The following DDX10 variants were observed in gnomAD, a reference collection of about 807,000 sequenced individuals.
The protein encoded by DDX10 is DEAD-box helicase 10, also known as probable ATP-dependent RNA helicase DDX10.
Under a neutral mutation model 104.3 loss-of-function variants are expected in DDX10, and 74 were observed. That is an observed-to-expected ratio of 0.71 (90% CI 0.59 to 0.86). The LOEUF is 0.86. Ranked by LOEUF, DDX10 falls within the 40% of genes least tolerant of loss-of-function variation. DDX10 has a pLI of 0.00. For synonymous variants in DDX10, 351 were observed against 353.4 expected (o/e 0.99, Z 0.08); for missense variants, 952 against 1,040.0 (o/e 0.92, Z 1.16).
chr11:108,930,915 A>C (rs1863968166), intron 17 of DDX10, among the ~76,000 whole-genome samples: 1 of 152,180 alleles, frequency 6.6e-6, no homozygotes, highest in Admixed American at 6.5e-5. Context: ...ACCTGAGATA[A>C]GGCTAATAAT....
intron 17 of DDX10, among the ~76,000 whole-genome samples, chr11:108,931,516 T>G (rs1374575945): frequency 6.6e-6 from 1 of 152,216 alleles, no homozygotes; most frequent in Non-Finnish European, 1.5e-5. Context: ...AAGTAACTAT[T>G]TTTAAAAGCA....
At chr11:108,720,895 G>GT (rs35211888) in intron 12 of DDX10, among the ~76,000 whole-genome samples, 78,001 of 142,408 alleles carry the variant, frequency 0.55, 21,384 homozygotes, top group Non-Finnish European at 0.61. Context: ...GCCTGGCCGG[G>GT]TTTTTTTTTT....
At chr11:108,700,045 C>G (rs986608013) in intron 9 of DDX10, among the ~76,000 whole-genome samples, 1 of 152,160 alleles carries the variant, frequency 6.6e-6, no homozygotes, top group Non-Finnish European at 1.5e-5. Flanking sequence ...TTAAAAGCCT[C>G]TCATAGGTGA....
intron 13 of DDX10, among the ~76,000 whole-genome samples, chr11:108,818,982 G>A (rs923166776): frequency 6.6e-6 from 1 of 152,152 alleles, no homozygotes; most frequent in Non-Finnish European, 1.5e-5. Flanking sequence ...AACGTTGATG[G>A]TTTGGGGTTC....
rs1260217756 is a variant in DDX10 at position 108,747,234 on chromosome 11, A to G, written c.1965+23772A>G. ...TATTTTTTGTTTAGTGTGGTTATAT[A>G]TACAATAATTTAAGGTAGACTAGTT... On this transcript the variant is annotated intron_variant, in intron 13 of 17. Transcript: ENST00000322536. Among the ~76,000 whole-genome samples, 5 of 152,182 alleles carry G rather than the reference A, an allele frequency of 3.3e-5. No individual in the cohort carries two copies. In the South Asian group the frequency reaches 8.3e-4, roughly 25 times the overall value.
chr11:108,832,605 G>A (rs10749929), intron 13 of DDX10, among the ~76,000 whole-genome samples: 95 of 152,074 alleles, frequency 6.2e-4, no homozygotes, highest in African/African-American at 2.2e-3. Context: ...AAACTTCCCC[G>A]AGGTACTCTG....
intron 2 of DDX10, among the ~76,000 whole-genome samples, chr11:108,673,855 G>A (rs2094220336): frequency 2.6e-5 from 4 of 152,158 alleles, no homozygotes; most frequent in Admixed American, 2.6e-4. Flanking sequence ...AGACTGAGTG[G>A]CTTAAACAAC....
chr11:108,744,148 G>A lies in DDX10; in HGVS notation c.1965+20686G>A, dbSNP rs563792909. 7.9e-5 allele frequency among the ~76,000 whole-genome samples: 12 copies of A among 152,108 alleles called. No homozygotes were observed. The East Asian group carries it at 1.5e-3, about 20-fold the overall frequency. On this transcript the variant is annotated intron_variant, in intron 13 of 17. Coordinates refer to ENST00000322536, the MANE Select transcript of DDX10 (RefSeq NM_004398.4). ...TTATACTTATATTCCCATTAATATC[G>A]TTAGTATGAATGGCTTTATATAGTT...
chr11:108,693,423 G>T, intron 8 of DDX10, 93 bp from the exon 9 acceptor site: 1 of 892,152 alleles, frequency 1.1e-6, no homozygotes, highest in South Asian at 1.3e-5. Flanking sequence ...TTGATGTGAT[G>T]AAAAGTCCTG....
chr11:108,709,965 A>G (rs2094281910), intron 10 of DDX10, among the ~76,000 whole-genome samples: 1 of 152,202 alleles, frequency 6.6e-6, no homozygotes, highest in South Asian at 2.1e-4. Flanking sequence ...GGTATAGCCT[A>G]TTGCATTTAG....
chr11:108,829,982 A>G (rs1343485431), intron 13 of DDX10, among the ~76,000 whole-genome samples: 1 of 152,120 alleles, frequency 6.6e-6, no homozygotes, highest in East Asian at 1.9e-4. Context: ...GTATAGTTTG[A>G]AGTTGGATAA....
chr11:108,737,410 G>A (rs922239768), intron 13 of DDX10, among the ~76,000 whole-genome samples: 3 of 152,088 alleles, frequency 2.0e-5, no homozygotes, highest in Admixed American at 6.6e-5. Context: ...GGTGACAGAC[G>A]GTCTTGATAT....
At position 108,675,206 on chromosome 11, in the gene DDX10, A is replaced by G. The variant is rs559416234; in HGVS notation, c.248-390A>G. Among the ~76,000 whole-genome samples the G allele has an allele frequency of 2.0e-5, 3 of 152,174 alleles. No homozygotes were observed. In the South Asian group the frequency reaches 6.2e-4, roughly 32 times the overall value. On this transcript the variant is annotated intron_variant, in intron 2 of 17. Coordinates refer to ENST00000322536, the MANE Select transcript of DDX10 (RefSeq NM_004398.4). ...TTTCATATCTTGGCTTCTGTGAATAATGCTGCAATGAACATGTGAGCACAA... is the reference window on the plus strand; with the variant it reads ...TTTCATATCTTGGCTTCTGTGAATAGTGCTGCAATGAACATGTGAGCACAA...
chr11:108,818,766 T>C (rs1357956160), intron 13 of DDX10, among the ~76,000 whole-genome samples: 1 of 152,236 alleles, frequency 6.6e-6, no homozygotes, highest in Non-Finnish European at 1.5e-5. Flanking sequence ...ATGACCACAC[T>C]GAATGCCAAA....
At chr11:108,725,314 A>G (rs550202966) in intron 13 of DDX10, among the ~76,000 whole-genome samples, 1 of 152,186 alleles carries the variant, frequency 6.6e-6, no homozygotes, top group Admixed American at 6.5e-5. Flanking sequence ...TTCTTGGGGA[A>G]ACGAGTGGGG....
chr11:108,852,815 C>T (rs1862813137), intron 16 of DDX10, among the ~76,000 whole-genome samples: 1 of 152,222 alleles, frequency 6.6e-6, no homozygotes, highest in Admixed American at 6.5e-5. Flanking sequence ...TGTTCAGCTT[C>T]TGCATTCTGA....
rs143635818 is a variant in DDX10 at position 108,866,679 on chromosome 11, A to T, written c.2304+14470A>T. On this transcript the variant is annotated intron_variant, in intron 16 of 17. Coordinates refer to ENST00000322536, the MANE Select transcript of DDX10 (RefSeq NM_004398.4). The stretch of plus-strand genomic sequence containing the variant: ...AGGACAATTTTTAATAGCTGCCAGT[A>T]TTGAACTATTGCATACCATATACTG... Among the ~76,000 whole-genome samples the T allele has an allele frequency of 1.3e-3, 198 of 152,300 alleles. 2 individuals are homozygous for T. Among genetic ancestry groups the T allele is most frequent in the Admixed American group, 9.1e-3 (139 of 15,298 alleles).
At chr11:108,670,271 C>T (rs2094215271) in intron 1 of DDX10, among the ~76,000 whole-genome samples, 1 of 151,878 alleles carries the variant, frequency 6.6e-6, no homozygotes. Flanking sequence ...TGAACTGGAG[C>T]TTTAGGGGTT....
intron 7 of DDX10, chr11:108,690,523 C>T (rs2094250890): frequency 1.9e-5 from 3 of 155,970 alleles, no homozygotes; most frequent in African/African-American, 4.8e-5. Flanking sequence ...CCTCTTGGCA[C>T]AAGGACAATG....
Sources: gnomAD v4.1 joint callset for allele counts (sites outside exome capture counted in the v4.1 genomes callset) on GRCh38, gnomAD v4.1.1 for gene constraint, MANE v1.5 for transcripts, NCBI Gene and HGNC (gene_info 2026-07-23, HGNC 2026-07-21) for gene names.